BCKDHB: variants seen among roughly 807,000 people sequenced by gnomAD.
The protein encoded by BCKDHB is branched chain keto acid dehydrogenase E1 subunit beta.
In BCKDHB, 41 loss-of-function variants were observed where a neutral mutation model predicts 48.5. The ratio of observed to expected loss-of-function variants is 0.85; its 90% CI spans 0.66 to 1.10. The LOEUF is 1.10. BCKDHB is among the 50% of genes least tolerant of loss of function. BCKDHB has a pLI of 0.00. For synonymous variants in BCKDHB, 201 were observed against 174.8 expected, an observed-to-expected ratio of 1.15 and a Z score of -1.18; for missense variants, 496 against 494.2, an observed-to-expected ratio of 1.00 and a Z score of -0.03.
At position 80,162,137 on chromosome 6, in the gene BCKDHB, A is replaced by G. The variant is rs541169868; in HGVS notation, c.344-5541A>G. ...CGGGGCACTCATGTTGCCTGCCATC[A>G]TGCTGCATGTTCCGGGTCCATTCGG... On this transcript the variant is annotated intron_variant, in intron 3 of 9. Coordinates refer to ENST00000320393, the MANE Select transcript of BCKDHB (RefSeq NM_183050.4). 2.0e-5 allele frequency among the ~76,000 whole-genome samples: 3 copies of G among 152,302 alleles called. No homozygotes were observed. In the East Asian group the frequency reaches 5.8e-4, roughly 29 times the overall value.
At chr6:80,185,520 G>T (rs148638591) in intron 6 of BCKDHB, among the ~76,000 whole-genome samples, 1 of 152,122 alleles carries the variant, frequency 6.6e-6, no homozygotes, top group East Asian at 1.9e-4. Context: ...TACCATAATT[G>T]CTTTTCTGGT....
chr6:80,298,181 C>T (rs965462703), intron 9 of BCKDHB, among the ~76,000 whole-genome samples: 2 of 152,124 alleles, frequency 1.3e-5, no homozygotes, highest in African/African-American at 2.4e-5. Context: ...GACACAATCT[C>T]TGCTCACTGC....
At chr6:80,289,358 A>T (rs1766794846) in intron 9 of BCKDHB, among the ~76,000 whole-genome samples, 1 of 152,168 alleles carries the variant, frequency 6.6e-6, no homozygotes, top group South Asian at 2.1e-4. Flanking sequence ...TCAGGAGATG[A>T]AGTGATTATC....
At chr6:80,302,036 T>A (rs1767610234) in intron 9 of BCKDHB, among the ~76,000 whole-genome samples, 1 of 152,102 alleles carries the variant, frequency 6.6e-6, no homozygotes, top group Non-Finnish European at 1.5e-5. Context: ...AACCCACAGC[T>A]AACATCATAC....
intron 8 of BCKDHB, among the ~76,000 whole-genome samples, chr6:80,266,594 G>T (rs2127956587): frequency 6.6e-6 from 1 of 152,116 alleles, no homozygotes; most frequent in South Asian, 2.1e-4. Context: ...GTTTAAAAAG[G>T]TACACAGAAG....
intron 3 of BCKDHB, among the ~76,000 whole-genome samples, chr6:80,144,418 C>T (rs2127745778): frequency 6.6e-6 from 1 of 152,244 alleles, no homozygotes; most frequent in Non-Finnish European, 1.5e-5. Flanking sequence ...GATTACAATG[C>T]ATAACTGTTT....
chr6:80,171,868 A>G (rs183728717), intron 6 of BCKDHB, among the ~76,000 whole-genome samples: 39 of 152,270 alleles, frequency 2.6e-4, no homozygotes, highest in Middle Eastern at 6.8e-3. Flanking sequence ...GTGTTTGGTC[A>G]TCCTCTTTTT....
At chr6:80,339,732 A>G (rs557096376) in intron 9 of BCKDHB, among the ~76,000 whole-genome samples, 1 of 152,298 alleles carries the variant, frequency 6.6e-6, no homozygotes, top group African/African-American at 2.4e-5. Context: ...TTTATATGTG[A>G]AAGAGGCTTC....
chr6:80,449,425 G>A, the BCKDHB span, among the ~76,000 whole-genome samples: 1 of 152,082 alleles, frequency 6.6e-6, no homozygotes, highest in Non-Finnish European at 1.5e-5. Flanking sequence ...TGTGCTGTTG[G>A]AGCTTATATT....
chr6:80,214,384 A>G (rs918422101), intron 8 of BCKDHB, among the ~76,000 whole-genome samples: 3 of 152,250 alleles, frequency 2.0e-5, no homozygotes, highest in East Asian at 1.9e-4. Context: ...GAATTTGTCT[A>G]TAGAGAATCT....
chr6:80,423,951 G>T, the BCKDHB span, among the ~76,000 whole-genome samples: 1 of 152,166 alleles, frequency 6.6e-6, no homozygotes, highest in Non-Finnish European at 1.5e-5. Context: ...AAATGGTAGG[G>T]AGAGATACTT....
chr6:80,441,517 T>C, the BCKDHB span, among the ~76,000 whole-genome samples: 488 of 152,264 alleles, frequency 3.2e-3, 5 homozygotes, highest in African/African-American at 0.011. Context: ...ATTTAGTAAT[T>C]TTTTGCCTGA....
At chr6:80,224,437 G>GT (rs1239109755) in intron 8 of BCKDHB, among the ~76,000 whole-genome samples, 1 of 151,808 alleles carries the variant, frequency 6.6e-6, no homozygotes, top group African/African-American at 2.4e-5. Context: ...GTGTTGCACA[G>GT]GCCGCAGTAC....
At chr6:80,116,845 G>A (rs894699888) in intron 1 of BCKDHB, among the ~76,000 whole-genome samples, 101 of 152,308 alleles carry the variant, frequency 6.6e-4, no homozygotes, top group African/African-American at 2.3e-3. Context: ...AATTTTTAGT[G>A]ATGTATATAG....
rs535853842 is a variant in BCKDHB at position 80,313,985 on chromosome 6, T to C, written c.1039-29679T>C. Among the ~76,000 whole-genome samples the C allele has an allele frequency of 4.6e-5, 7 of 152,338 alleles. No homozygotes were observed. In the South Asian group the frequency reaches 1.4e-3, roughly 32 times the overall value. On this transcript the variant is annotated intron_variant, in intron 9 of 9. Coordinates refer to ENST00000320393, the MANE Select transcript of BCKDHB (RefSeq NM_183050.4). Reference sequence around the variant, plus strand: ...TGCTTTGTATCTTTGTTCTCATTAGTTTCAAAGAACTTCTTGATTTCTGCC... The same window carrying C: ...TGCTTTGTATCTTTGTTCTCATTAGCTTCAAAGAACTTCTTGATTTCTGCC...
At chr6:80,379,945 A>G in the BCKDHB span, among the ~76,000 whole-genome samples, 3 of 152,018 alleles carry the variant, frequency 2.0e-5, no homozygotes. Context: ...CTGGCCCAAT[A>G]AAATAGAAAA....
Position 80,344,036 on chromosome 6 carries a change from T to C in BCKDHB, c.*232T>C. ...GTTGTTCTGAGATGGAGTCTCACTC[T>C]GTCGCCCAGGCTAGACTGCAGTGGT... On this transcript the variant is annotated 3_prime_UTR_variant, in exon 10 of 10. Coordinates refer to ENST00000320393, the MANE Select transcript of BCKDHB (RefSeq NM_183050.4). The C allele has an allele frequency of 1.9e-6, 1 of 538,914 alleles. No individual in the cohort carries two copies. Among genetic ancestry groups the C allele is most frequent in the South Asian group, 1.9e-5 (1 of 51,376 alleles). The allele number at this position is 538,914 out of a possible 1,614,324, so 33.4% of individuals were successfully genotyped here. A position where few individuals can be genotyped will look rare whatever the true frequency, so the allele number is the denominator to read the frequency against.
intron 8 of BCKDHB, among the ~76,000 whole-genome samples, chr6:80,270,701 A>G (rs1311766064): frequency 3.9e-5 from 6 of 152,124 alleles, no homozygotes; most frequent in Non-Finnish European, 8.8e-5. Flanking sequence ...TTTGTCAAGT[A>G]TCTAACGGCT....
At chr6:80,265,833 A>T (rs1185505328) in intron 8 of BCKDHB, among the ~76,000 whole-genome samples, 1 of 152,146 alleles carries the variant, frequency 6.6e-6, no homozygotes, top group Non-Finnish European at 1.5e-5. Flanking sequence ...TTAATAAATG[A>T]TAAATATAGT....
Sources: gnomAD v4.1 joint callset for allele counts (sites outside exome capture counted in the v4.1 genomes callset) on GRCh38, gnomAD v4.1.1 for gene constraint, MANE v1.5 for transcripts, NCBI Gene and HGNC (gene_info 2026-07-23, HGNC 2026-07-21) for gene names.